PACRG: variants seen among roughly 807,000 people sequenced by gnomAD.
PACRG encodes parkin coregulated, also known as parkin coregulated gene protein.
PACRG carries 29 observed loss-of-function variants against 29.7 expected under a neutral mutation model. The ratio of observed to expected loss-of-function variants is 0.98; its 90% CI spans 0.73 to 1.33. The LOEUF (loss-of-function observed/expected upper bound fraction) is 1.33, where lower values mean the gene tolerates loss of function less well. Ranked by LOEUF, PACRG falls within the 40% of genes most tolerant of loss-of-function variation. The pLI, the probability that PACRG is intolerant of heterozygous loss-of-function variation, is 0.00. For missense variants in PACRG, 279 were observed against 316.2 expected (o/e 0.88, Z 0.89); for synonymous variants, 116 against 118.7 (o/e 0.98, Z 0.15).
intron 4 of PACRG, among the ~76,000 whole-genome samples, chr6:163,204,915 T>C (rs2128151386): frequency 6.6e-6 from 1 of 152,304 alleles, no homozygotes; most frequent in South Asian, 2.1e-4. Flanking sequence ...AGCTTTCCTG[T>C]ACACCAACAA....
intron 4 of PACRG, among the ~76,000 whole-genome samples, chr6:163,267,343 T>C (rs941062259): frequency 6.6e-6 from 1 of 152,204 alleles, no homozygotes; most frequent in African/African-American, 2.4e-5. Flanking sequence ...GAATGCCTAC[T>C]AAGTGCCTAT....
intron 2 of PACRG, among the ~76,000 whole-genome samples, chr6:162,915,180 A>G (rs1408270041): frequency 6.6e-6 from 1 of 152,028 alleles, no homozygotes; most frequent in African/African-American, 2.4e-5. Context: ...CTACTTGAGG[A>G]ATTTCTTACT....
intron 2 of PACRG, among the ~76,000 whole-genome samples, chr6:162,948,918 T>C (rs1799444295): frequency 6.6e-6 from 1 of 152,088 alleles, no homozygotes; most frequent in East Asian, 1.9e-4. Context: ...TGTAAATTAT[T>C]ATAGCCAGTA....
chr6:163,178,337 C>T (rs1254322010), intron 4 of PACRG, among the ~76,000 whole-genome samples: 1 of 152,186 alleles, frequency 6.6e-6, no homozygotes, highest in African/African-American at 2.4e-5. Context: ...ATCTTATGGT[C>T]AGAGGGACAA....
In PACRG at chr6:163,191,234, T is replaced by C. The variant is rs143952541; in HGVS notation, c.613+101826T>C. Reference sequence around the variant, plus strand: ...ATAAATACATAAATAAAAGCAATAATTAAAAAACTAACTTCACCATCATCC... The same window carrying C: ...ATAAATACATAAATAAAAGCAATAACTAAAAAACTAACTTCACCATCATCC... On this transcript the variant is annotated intron_variant, in intron 4 of 4. Transcript: ENST00000366888. Among the ~76,000 whole-genome samples the C allele has an allele frequency of 2.2e-3, 342 of 152,198 alleles. 3 individuals carry two copies. Among genetic ancestry groups the C allele is most frequent in the African/African-American group, 8.0e-3 (334 of 41,522 alleles).
intron 4 of PACRG, among the ~76,000 whole-genome samples, chr6:163,176,567 C>T (rs187225309): frequency 9.2e-5 from 14 of 151,434 alleles, no homozygotes; most frequent in African/African-American, 1.2e-4. Flanking sequence ...GAGGGAAAGA[C>T]GAAGGCAAAA....
At chr6:163,056,701 C>T (rs1178324431) in intron 2 of PACRG, among the ~76,000 whole-genome samples, 4 of 152,002 alleles carry the variant, frequency 2.6e-5, no homozygotes, top group Non-Finnish European at 5.9e-5. Context: ...TGCTCTTATA[C>T]GAGGAGGAAT....
At chr6:163,060,590 G>C (rs1009568233) in intron 2 of PACRG, among the ~76,000 whole-genome samples, 1 of 152,146 alleles carries the variant, frequency 6.6e-6, no homozygotes, top group African/African-American at 2.4e-5. Flanking sequence ...AGAGGATCTG[G>C]ACATTGCCTC....
At chr6:163,104,700 AT>A (rs1815284904) in intron 4 of PACRG, among the ~76,000 whole-genome samples, 2 of 152,222 alleles carry the variant, frequency 1.3e-5, no homozygotes, top group African/African-American at 4.8e-5. Context: ...CAATGTTTTC[AT>A]TTCTAAATGT....
intron 2 of PACRG, among the ~76,000 whole-genome samples, chr6:162,954,451 T>A (rs1562774319): frequency 6.6e-6 from 1 of 151,988 alleles, no homozygotes; most frequent in South Asian, 2.1e-4. Flanking sequence ...TTTTTTTTTT[T>A]AATGGCCTAA....
chr6:162,903,173 G>T (rs1183727715), intron 2 of PACRG, among the ~76,000 whole-genome samples: 2 of 152,098 alleles, frequency 1.3e-5, no homozygotes, highest in Non-Finnish European at 2.9e-5. Flanking sequence ...TTTGTTGTCA[G>T]GTTTTAGGTA....
Position 162,794,366 on chromosome 6 carries a change from T to A in PACRG, c.157-19781T>A, listed in dbSNP as rs371808386. Among the ~76,000 whole-genome samples, 108 of 152,310 alleles carry A rather than the reference T, an allele frequency of 7.1e-4. No homozygotes were observed. The East Asian group carries it at 0.011, about 16-fold the overall frequency. On this transcript the variant is annotated intron_variant, in intron 1 of 4. Coordinates refer to ENST00000366888, the MANE Select transcript of PACRG (RefSeq NM_001080379.2). ...TTTGAATACTAATTTTTATTGATTATGCTTGTATATATCTATTTGGAGTTT... is the reference window on the plus strand; with the variant it reads ...TTTGAATACTAATTTTTATTGATTAAGCTTGTATATATCTATTTGGAGTTT...
intron 4 of PACRG, among the ~76,000 whole-genome samples, chr6:163,109,972 T>C (rs983311318): frequency 1.4e-5 from 2 of 138,216 alleles, no homozygotes; most frequent in African/African-American, 6.9e-5. Flanking sequence ...GCTTGACCAC[T>C]GAGATTTCTA....
At chr6:162,794,753 G>A (rs1204328510) in intron 1 of PACRG, among the ~76,000 whole-genome samples, 1 of 152,036 alleles carries the variant, frequency 6.6e-6, no homozygotes, top group Non-Finnish European at 1.5e-5. Context: ...AATCACTCAA[G>A]AAATATTTAT....
chr6:163,161,092 T>A (rs557388879), intron 4 of PACRG, among the ~76,000 whole-genome samples: 2 of 152,306 alleles, frequency 1.3e-5, no homozygotes, highest in South Asian at 4.1e-4. Flanking sequence ...GTGCTGCTCT[T>A]GACATCCATC....
At chr6:162,908,040 G>A (rs1021793033) in intron 2 of PACRG, among the ~76,000 whole-genome samples, 1 of 152,072 alleles carries the variant, frequency 6.6e-6, no homozygotes, top group African/African-American at 2.4e-5. Context: ...TTATACATAC[G>A]CCTCTCAAAT....
chr6:163,067,752 A>G (rs1811684221), intron 3 of PACRG, among the ~76,000 whole-genome samples: 1 of 152,176 alleles, frequency 6.6e-6, no homozygotes, highest in Non-Finnish European at 1.5e-5. Flanking sequence ...CCTCATGTTG[A>G]TTAGAATTTA....
intron 2 of PACRG, among the ~76,000 whole-genome samples, chr6:162,889,040 G>T (rs1794571180): frequency 6.6e-6 from 1 of 152,060 alleles, no homozygotes; most frequent in African/African-American, 2.4e-5. Flanking sequence ...GTGTAAAATT[G>T]TCAAAAAATG....
chr6:162,823,985 C>G (rs535650931), intron 2 of PACRG, among the ~76,000 whole-genome samples: 1 of 152,274 alleles, frequency 6.6e-6, no homozygotes, highest in Admixed American at 6.5e-5. Flanking sequence ...GACTTTGTAA[C>G]TTCTGACACT....
Sources: gnomAD v4.1 joint callset for allele counts (sites outside exome capture counted in the v4.1 genomes callset) on GRCh38, gnomAD v4.1.1 for gene constraint, MANE v1.5 for transcripts, NCBI Gene and HGNC (gene_info 2026-07-23, HGNC 2026-07-21) for gene names.